DNAH9: variants seen among roughly 807,000 people sequenced by gnomAD.
DNAH9 encodes the protein DNAH9 variant protein.
In DNAH9, 345 loss-of-function variants were observed where a neutral mutation model predicts 471.6. The ratio of observed to expected loss-of-function variants is 0.73; its 90% CI spans 0.67 to 0.80. The LOEUF (loss-of-function observed/expected upper bound fraction) is 0.80, where lower values mean the gene tolerates loss of function less well. DNAH9 is among the 30% of genes least tolerant of loss of function. The pLI is 0.00. For missense variants in DNAH9, 5,407 were observed against 5,609.2 expected, an observed-to-expected ratio of 0.96 and a Z score of 1.15; for synonymous variants, 2,093 against 2,123.6, an observed-to-expected ratio of 0.99 and a Z score of 0.40.
chr17:11,699,041 G>A (rs916658635), intron 22 of DNAH9, among the ~76,000 whole-genome samples: 2 of 152,078 alleles, frequency 1.3e-5, no homozygotes, highest in Admixed American at 6.5e-5. Context: ...ACGAGATCAG[G>A]AGTTCAAGAC....
intron 30 of DNAH9, among the ~76,000 whole-genome samples, chr17:11,742,704 C>T (rs954261993): frequency 1.3e-5 from 2 of 152,132 alleles, no homozygotes; most frequent in African/African-American, 4.8e-5. Context: ...AGTTGCTTGG[C>T]GTTACCTGTA....
At chr17:11,807,164 AG>A (rs981248303) in intron 43 of DNAH9, among the ~76,000 whole-genome samples, 2 of 152,120 alleles carry the variant, frequency 1.3e-5, no homozygotes, top group Non-Finnish European at 2.9e-5. Flanking sequence ...CCTTCATTAC[AG>A]GGTCATCCAC....
chr17:11,632,673 T>A lies in DNAH9; in HGVS notation c.1605T>A (p.Asp535Glu). ...GGACTATCTTTATTCAAGCTTTTGA[T>A]GATGCACCTGGCTTGGAGCATGCCT... ...RLGTIFIQAF[D>E]DAPGLEHAFK... Residue 535 changes from aspartate (D) to glutamate (E), a missense_variant, in exon 8 of 69, where the codon GAT becomes GAA. By Grantham distance (45) the Asp-to-Glu change is conservative. Transcript: ENST00000262442. 6.2e-7 allele frequency: 1 copy of A among 1,605,180 alleles called. No individual in the cohort carries two copies. The highest frequency in any genetic ancestry group is 8.5e-7 in the Non-Finnish European group (1 of 1,171,862).
intron 50 of DNAH9, among the ~76,000 whole-genome samples, chr17:11,859,612 G>T (rs761194100): frequency 6.6e-6 from 1 of 152,160 alleles, no homozygotes; most frequent in Non-Finnish European, 1.5e-5. Flanking sequence ...TCGGCTCACA[G>T]TTCTGCAGGT....
chr17:11,747,322 C>A (rs751696230), intron 31 of DNAH9, among the ~76,000 whole-genome samples: 2 of 152,200 alleles, frequency 1.3e-5, no homozygotes, highest in Non-Finnish European at 2.9e-5. Context: ...CCTCGCCTGG[C>A]ACACTCTGTA....
chr17:11,723,624 C>T (rs1415768694), intron 27 of DNAH9, among the ~76,000 whole-genome samples: 1 of 152,008 alleles, frequency 6.6e-6, no homozygotes, highest in Non-Finnish European at 1.5e-5. Context: ...TAAAAAGGGT[C>T]TGCAGTTTGA....
At chr17:11,804,895 T>C (rs1014353651) in intron 43 of DNAH9, among the ~76,000 whole-genome samples, 3 of 151,186 alleles carry the variant, frequency 2.0e-5, no homozygotes, top group Non-Finnish European at 2.9e-5. Flanking sequence ...AAAAAGTTCT[T>C]TGGGGGCCAG....
chr17:11,809,775 A>ATGTAAGTAAGT (rs1969821917), intron 44 of DNAH9, among the ~76,000 whole-genome samples: 2 of 136,958 alleles, frequency 1.5e-5, no homozygotes, highest in African/African-American at 2.6e-5. Flanking sequence ...TCTTCCATAT[A>ATGTAAGTAAGT]CGTAAGTAAG....
chr17:11,924,152 T>C (rs957278081), intron 62 of DNAH9, among the ~76,000 whole-genome samples: 5 of 152,310 alleles, frequency 3.3e-5, no homozygotes, highest in Non-Finnish European at 5.9e-5. Context: ...TCCCCTCACC[T>C]GCTCTGTCAC....
chr17:11,843,886 T>C (rs1476463069), intron 49 of DNAH9, among the ~76,000 whole-genome samples: 2 of 135,842 alleles, frequency 1.5e-5, no homozygotes. Context: ...TATATATATA[T>C]ATATACACAT....
intron 35 of DNAH9, 118 bp from the exon 36 acceptor site, chr17:11,763,322 C>A: frequency 1.2e-6 from 1 of 862,970 alleles, no homozygotes; most frequent in Middle Eastern, 3.6e-4. Flanking sequence ...GTCTGTAATC[C>A]CAAAGAACTT....
chr17:11,701,081 C>T, intron 23 of DNAH9, 41 bp from the exon 24 acceptor site: 2 of 1,612,504 alleles, frequency 1.2e-6, no homozygotes, highest in Non-Finnish European at 1.7e-6. Flanking sequence ...CTAACCAAAA[C>T]TTCTCAGGCA....
At chr17:11,879,714 A>G (rs1477022779) in intron 53 of DNAH9, among the ~76,000 whole-genome samples, 1 of 152,098 alleles carries the variant, frequency 6.6e-6, no homozygotes. Context: ...AGTGATTACA[A>G]TATATTTTCT....
At chr17:11,790,787 T>C (rs908712907) in intron 41 of DNAH9, among the ~76,000 whole-genome samples, 1 of 152,130 alleles carries the variant, frequency 6.6e-6, no homozygotes, top group African/African-American at 2.4e-5. Flanking sequence ...ATAATTGTTC[T>C]CCCTCTTTTA....
chr17:11,821,053 G>A (rs1440903552), intron 45 of DNAH9, among the ~76,000 whole-genome samples: 3 of 152,036 alleles, frequency 2.0e-5, no homozygotes, highest in African/African-American at 7.2e-5. Context: ...AGGCCGAGGC[G>A]GGTGGATCAC....
At chr17:11,784,171 T>C in intron 40 of DNAH9, 129 bp from the exon 41 acceptor site, 1 of 1,422,748 alleles carries the variant, frequency 7.0e-7, no homozygotes, top group Non-Finnish European at 9.6e-7. Flanking sequence ...TTGGGCATAG[T>C]GTGAGAGATG....
At chr17:11,864,187 C>T (rs1226392188) in intron 50 of DNAH9, among the ~76,000 whole-genome samples, 1 of 145,616 alleles carries the variant, frequency 6.9e-6, no homozygotes, top group African/African-American at 2.6e-5. Flanking sequence ...CTACACACTG[C>T]TTTGAATGTG....
rs972637786 is a variant in DNAH9, at chr17:11,636,631, C to G, written c.1636-3C>G. The G allele has an allele frequency of 3.7e-6, 6 of 1,612,012 alleles. No homozygotes were observed. The African/African-American group carries it at 8.0e-5, about 22-fold the overall frequency. On this transcript the variant is annotated splice_polypyrimidine_tract_variant and splice_region_variant and intron_variant, in intron 8 of 68. Coordinates refer to ENST00000262442, the MANE Select transcript of DNAH9 (RefSeq NM_001372.4). ...TCCTCTTTTTCCTCCACCTTCCCTA[C>G]AGCTGCTAGACATAGCAGGAAACCT...
chr17:11,828,082 C>T (rs953787295), intron 48 of DNAH9, among the ~76,000 whole-genome samples: 4 of 152,278 alleles, frequency 2.6e-5, no homozygotes, highest in East Asian at 1.9e-4. Context: ...TATCTTTTAC[C>T]TTCATAGCCA....
Sources: allele counts gnomAD v4.1 joint callset (sites outside exome capture counted in the v4.1 genomes callset), GRCh38; gene constraint gnomAD v4.1.1; transcripts MANE v1.5; gene names NCBI Gene and HGNC (gene_info 2026-07-23, HGNC 2026-07-21).